Variants in MTHFD2L observed in about 807,000 individuals in gnomAD.
The protein encoded by MTHFD2L is methylenetetrahydrofolate dehydrogenase (NADP+ dependent) 2 like.
In MTHFD2L, 29 loss-of-function variants were observed where a neutral mutation model predicts 34.9. That is an observed-to-expected ratio of 0.83 (90% confidence interval 0.62 to 1.13). The LOEUF is 1.13. Among genes scored for constraint, MTHFD2L ranks in the 50% most tolerant of loss-of-function variants. The probability of loss-of-function intolerance (pLI) is 0.00; values close to 1 mark genes in which losing one functional copy is unlikely to be tolerated. For synonymous variants in MTHFD2L, 167 were observed against 155.7 expected, an observed-to-expected ratio of 1.07 and a Z score of -0.54; for missense variants, 481 against 446.5, an observed-to-expected ratio of 1.08 and a Z score of -0.70.
chr4:74,157,821 G>GC (rs1182570369), upstream of MTHFD2L: 2 of 549,156 alleles, frequency 3.6e-6, no homozygotes, highest in African/African-American at 3.7e-5. Context: ...CCTTCTCTGT[G>GC]CCGTCGCTAT....
rs76234569 is a variant in MTHFD2L, at chr4:74,297,703, C to A, written c.932-3994C>A. 3.9e-5 allele frequency among the ~76,000 whole-genome samples: 6 copies of A among 152,202 alleles called. No homozygotes were observed. In the East Asian group the frequency reaches 1.2e-3, roughly 29 times the overall value. ...ATTCTGGTGATGTAATGCTTGTTAC[C>A]TTGCTCTCTTTCAGGCATGATTGGG... is the stretch of plus-strand genomic sequence containing the variant. On this transcript the variant is annotated intron_variant, in intron 7 of 7. Transcript: ENST00000325278.
chr4:74,202,441 A>G (rs1734603647), intron 5 of MTHFD2L, among the ~76,000 whole-genome samples: 1 of 152,176 alleles, frequency 6.6e-6, no homozygotes. Context: ...TGTGGCTATT[A>G]AAACTAAAAT....
At chr4:74,127,837 G>A (rs1254873372) in intron 1 of MTHFD2L, among the ~76,000 whole-genome samples, 1 of 151,960 alleles carries the variant, frequency 6.6e-6, no homozygotes, top group African/African-American at 2.4e-5. Context: ...GTTTTTCATA[G>A]TGGTCATTTT....
At chr4:74,171,459 ATACACT>A (rs990241221) in intron 1 of MTHFD2L, among the ~76,000 whole-genome samples, 1 of 152,162 alleles carries the variant, frequency 6.6e-6, no homozygotes. Context: ...GTATTTAAAC[ATACACT>A]TACGATGTGA....
chr4:74,167,951 G>A (rs1201489038), intron 1 of MTHFD2L, among the ~76,000 whole-genome samples: 3 of 151,928 alleles, frequency 2.0e-5, no homozygotes, highest in Admixed American at 6.6e-5. Context: ...AACTCCCAAG[G>A]GTTCCACTCT....
At chr4:74,249,102 A>T (rs1343140963) in intron 6 of MTHFD2L, among the ~76,000 whole-genome samples, 1 of 151,312 alleles carries the variant, frequency 6.6e-6, no homozygotes, top group African/African-American at 2.4e-5. Flanking sequence ...CCCATTATTA[A>T]TGTGTGGGAG....
At chr4:74,174,798 A>G (rs972938769) in intron 2 of MTHFD2L, 108 bp downstream of exon 2, 10 of 730,724 alleles carry the variant, frequency 1.4e-5, no homozygotes, top group African/African-American at 3.7e-5. Context: ...TTTGAATTGC[A>G]TGTATTATTA....
At chr4:74,132,572 A>C (rs1229037665) in intron 1 of MTHFD2L, among the ~76,000 whole-genome samples, 1 of 152,048 alleles carries the variant, frequency 6.6e-6, no homozygotes, top group Admixed American at 6.5e-5. Context: ...GGAACATCAC[A>C]CACCAGGGCC....
At chr4:74,153,236 A>C (rs1053436367), upstream of MTHFD2L, among the ~76,000 whole-genome samples, 4 of 152,226 alleles carry the variant, frequency 2.6e-5, no homozygotes, top group Non-Finnish European at 5.9e-5. Flanking sequence ...CTAACTGTTC[A>C]CATTCTGATA....
chr4:74,249,029 G>A (rs1474300775), intron 6 of MTHFD2L, among the ~76,000 whole-genome samples: 2 of 152,076 alleles, frequency 1.3e-5, no homozygotes, highest in African/African-American at 4.8e-5. Context: ...CAATTCCTGG[G>A]TATCCTTGTT....
At chr4:74,281,857 G>T (rs1747529801) in intron 7 of MTHFD2L, among the ~76,000 whole-genome samples, 1 of 151,778 alleles carries the variant, frequency 6.6e-6, no homozygotes, top group Non-Finnish European at 1.5e-5. Flanking sequence ...GCCTTTTATA[G>T]ACCTGGGCAT....
intron 1 of MTHFD2L, among the ~76,000 whole-genome samples, chr4:74,145,627 A>G (rs1723550004): frequency 6.6e-6 from 1 of 152,216 alleles, no homozygotes; most frequent in South Asian, 2.1e-4. Flanking sequence ...AGCAATAACA[A>G]AGTTACAAAC....
rs143361111 is a variant in MTHFD2L at position 74,230,886 on chromosome 4, G to A, written c.805+5492G>A. On this transcript the variant is annotated intron_variant, in intron 6 of 7. Transcript: ENST00000325278. ...GGAATCTTCATTATTCAGCAGGATA[G>A]GCAAGTTTTTTTAGACATTGTCCAC... Among the ~76,000 whole-genome samples the A allele has an allele frequency of 4.3e-3, 662 of 152,212 alleles. 5 individuals carry two copies. Among genetic ancestry groups the A allele is most frequent in the Non-Finnish European group, 5.8e-3 (396 of 68,004 alleles).
At chr4:74,224,347 T>C (rs764451838) in intron 5 of MTHFD2L, among the ~76,000 whole-genome samples, 4 of 152,182 alleles carry the variant, frequency 2.6e-5, no homozygotes, top group Non-Finnish European at 2.9e-5. Flanking sequence ...ATTTCTTTGC[T>C]GCCTTTCTCC....
rs994718478 is a variant in MTHFD2L at position 74,301,963 on chromosome 4, T to C, written c.*154T>C. 2.3e-6 allele frequency: 1 copy of C among 435,960 alleles called. No homozygotes were observed. The highest frequency in any genetic ancestry group is 2.0e-5 in the African/African-American group (1 of 48,994). 27.0% of individuals were successfully genotyped at this position (435,960 alleles called of 1,614,324 possible). Reference sequence around the variant, plus strand: ...TGTGAATCAATTGATTCACATAGTTTTATGCATTTCCTGCTAATTTATTTT... The same window carrying C: ...TGTGAATCAATTGATTCACATAGTTCTATGCATTTCCTGCTAATTTATTTT... On this transcript the variant is annotated 3_prime_UTR_variant, in exon 8 of 8. Transcript: ENST00000325278.
rs982643521 is a variant in MTHFD2L at position 74,201,369 on chromosome 4, A to T, written c.711A>T (p.Gly237=). ...LHTDGEHERP[G]GDATVTIAHR... is the part of the protein sequence containing the mutation. ...CTGATGGAGAGCATGAACGGCCAGG[A>T]GGTAGGTAGAACCTTGCAGATTCTA... is the stretch of plus-strand genomic sequence containing the variant. The change falls in exon 5 of 8, where the codon GGA becomes GGT. Residue 237 remains glycine (G), a splice_region_variant and synonymous_variant. Coordinates refer to ENST00000325278, the MANE Select transcript of MTHFD2L (RefSeq NM_001144978.3). The T allele has an allele frequency of 6.2e-7, 1 of 1,610,804 alleles. No homozygotes were observed. The highest frequency in any genetic ancestry group is 1.3e-5 in the African/African-American group (1 of 74,990).
chr4:74,133,533 T>C (rs773412857), intron 1 of MTHFD2L, among the ~76,000 whole-genome samples: 6 of 152,190 alleles, frequency 3.9e-5, no homozygotes, highest in Non-Finnish European at 8.8e-5. Flanking sequence ...TTCTTTGGAC[T>C]GTATTTTCTT....
At chr4:74,218,333 G>T (rs1038656979) in intron 5 of MTHFD2L, among the ~76,000 whole-genome samples, 9 of 152,040 alleles carry the variant, frequency 5.9e-5, no homozygotes, top group African/African-American at 2.2e-4. Flanking sequence ...GTTGAAAGCT[G>T]GCACATGGAC....
rs770167916 is a variant in MTHFD2L, at chr4:74,302,896, G to C, written c.*1087G>C. ...AAATTAGGAAATATATATGAATGTC[G>C]TTGAAGTCTATTTTGAGACTGCTAA... is the stretch of plus-strand genomic sequence containing the variant. On this transcript the variant is annotated 3_prime_UTR_variant, in exon 8 of 8. Transcript: ENST00000325278. 1 of 152,142 alleles carries C rather than the reference G, an allele frequency of 6.6e-6. No individual in the cohort carries two copies. Among genetic ancestry groups the C allele is most frequent in the East Asian group, 1.9e-4 (1 of 5,186 alleles). The allele number at this position is 152,142 out of a possible 1,614,324, so 9.4% of individuals were successfully genotyped here.
Sources: gnomAD v4.1 joint callset for allele counts (sites outside exome capture counted in the v4.1 genomes callset) on GRCh38, gnomAD v4.1.1 for gene constraint, MANE v1.5 for transcripts, NCBI Gene and HGNC (gene_info 2026-07-23, HGNC 2026-07-21) for gene names.